Variants in FAT3 observed in about 807,000 individuals in gnomAD.
The protein encoded by FAT3 is protocadherin Fat 3.
A neutral mutation model predicts 310.2 loss-of-function variants in FAT3; 95 were observed. The ratio of observed to expected loss-of-function variants is 0.31; its 90% CI spans 0.26 to 0.36. The LOEUF (loss-of-function observed/expected upper bound fraction) is 0.36. Among genes scored for constraint, FAT3 ranks in the 10% least tolerant of loss-of-function variants. FAT3 has a pLI of 1.00. For synonymous variants in FAT3, 2,314 were observed against 2,192.9 expected (o/e 1.06, Z -1.54); for missense variants, 5,408 against 5,715.6 (o/e 0.95, Z 1.74).
chr11:92,755,703 T>G (rs867381996), intron 4 of FAT3, among the ~76,000 whole-genome samples: 5 of 152,314 alleles, frequency 3.3e-5, no homozygotes, highest in Non-Finnish European at 5.9e-5. Context: ...TTTCTGAAAA[T>G]TGAATCTATC....
At chr11:92,421,826 G>A (rs1444466614) in intron 2 of FAT3, among the ~76,000 whole-genome samples, 1 of 152,194 alleles carries the variant, frequency 6.6e-6, no homozygotes, top group Admixed American at 6.5e-5. Context: ...CTCAGCCCCA[G>A]GTAGAGGAAC....
At chr11:92,707,410 T>C (rs1944388572) in intron 4 of FAT3, among the ~76,000 whole-genome samples, 2 of 152,210 alleles carry the variant, frequency 1.3e-5, no homozygotes, top group Non-Finnish European at 1.5e-5. Context: ...CGTGGTGCTA[T>C]GTTGCTGCTT....
chr11:92,819,132 G>A (rs951473717), intron 13 of FAT3, among the ~76,000 whole-genome samples: 9 of 152,132 alleles, frequency 5.9e-5, no homozygotes, highest in Non-Finnish European at 4.4e-5. Context: ...CTTGCCCTGA[G>A]CCACAGCTAG....
chr11:92,598,822 G>A (rs1939859043), intron 3 of FAT3, among the ~76,000 whole-genome samples: 1 of 152,176 alleles, frequency 6.6e-6, no homozygotes, highest in African/African-American at 2.4e-5. Flanking sequence ...TCTCCTATGT[G>A]ATGATGACAA....
chr11:92,420,844 AACTC>A (rs1202116982), intron 2 of FAT3, among the ~76,000 whole-genome samples: 7 of 152,156 alleles, frequency 4.6e-5, no homozygotes, highest in Admixed American at 2.0e-4. Flanking sequence ...AAGAAACAGT[AACTC>A]AATTGATTTT....
intron 3 of FAT3, among the ~76,000 whole-genome samples, chr11:92,684,508 A>C (rs1411497079): frequency 6.6e-6 from 1 of 152,114 alleles, no homozygotes; most frequent in East Asian, 1.9e-4. Context: ...CAGGAGGAAA[A>C]TCTGAACAAC....
At chr11:92,350,864 A>C (rs1217364726) in intron 1 of FAT3, among the ~76,000 whole-genome samples, 1 of 152,202 alleles carries the variant, frequency 6.6e-6, no homozygotes, top group Non-Finnish European at 1.5e-5. Context: ...GTAAAGGAAG[A>C]AAAGGAGAAT....
At chr11:92,491,208 C>G (rs1952589160) in intron 2 of FAT3, among the ~76,000 whole-genome samples, 1 of 152,036 alleles carries the variant, frequency 6.6e-6, no homozygotes, top group African/African-American at 2.4e-5. Context: ...AGTACTCTAG[C>G]TTAGTGACTC....
intron 2 of FAT3, among the ~76,000 whole-genome samples, chr11:92,425,181 AG>A (rs111925453): frequency 0.1 from 15,780 of 152,018 alleles, 1,006 homozygotes; most frequent in African/African-American, 0.17. Context: ...CTGTGAATGA[AG>A]CTTTTCTGTT....
At position 92,823,277 on chromosome 11, in the gene FAT3, A is replaced by G. The variant is rs182517512; in HGVS notation, c.9482-8345A>G. On this transcript the variant is annotated intron_variant, in intron 13 of 27. Transcript: ENST00000525166. The stretch of plus-strand genomic sequence containing the variant: ...ACATTCCATGTACCAATAAACATGG[A>G]GTTTTGAGTATTTAGTTGATGAATT... Among the ~76,000 whole-genome samples the G allele has an allele frequency of 3.4e-3, 517 of 152,256 alleles. 2 individuals are homozygous for G. The highest frequency in any genetic ancestry group is 0.012 in the African/African-American group (489 of 41,556).
intron 3 of FAT3, among the ~76,000 whole-genome samples, chr11:92,553,033 G>C (rs1028771240): frequency 1.3e-5 from 2 of 151,780 alleles, no homozygotes; most frequent in African/African-American, 2.4e-5. Flanking sequence ...GAGGAAGATA[G>C]AGACAGAAAG....
chr11:92,592,834 C>T (rs780860275), intron 3 of FAT3, among the ~76,000 whole-genome samples: 8 of 152,056 alleles, frequency 5.3e-5, no homozygotes, highest in Non-Finnish European at 1.2e-4. Flanking sequence ...AAATCCATAA[C>T]ATAAAATTTA....
intron 2 of FAT3, among the ~76,000 whole-genome samples, chr11:92,397,465 C>T (rs1424167743): frequency 6.6e-6 from 1 of 152,166 alleles, no homozygotes; most frequent in African/African-American, 2.4e-5. Flanking sequence ...TTCCCAATAT[C>T]ATTAACATGC....
At chr11:92,447,766 A>C (rs558886657) in intron 2 of FAT3, among the ~76,000 whole-genome samples, 1 of 152,268 alleles carries the variant, frequency 6.6e-6, no homozygotes, top group African/African-American at 2.4e-5. Context: ...TTTTGGAAGA[A>C]GAAGTGGAAC....
chr11:92,323,931 C>T (rs1019613883), intron 1 of FAT3, among the ~76,000 whole-genome samples: 7 of 152,306 alleles, frequency 4.6e-5, no homozygotes, highest in African/African-American at 9.6e-5. Context: ...GTTGCTTCAG[C>T]GCTTGCTGCC....
At chr11:92,622,173 A>G (rs1026874159) in intron 3 of FAT3, among the ~76,000 whole-genome samples, 9 of 152,032 alleles carry the variant, frequency 5.9e-5, no homozygotes, top group African/African-American at 2.2e-4. Flanking sequence ...AATCCCAGCT[A>G]GTCGGGAGAC....
At chr11:92,568,361 G>A (rs1955549926) in intron 3 of FAT3, among the ~76,000 whole-genome samples, 1 of 150,234 alleles carries the variant, frequency 6.7e-6, no homozygotes, top group Non-Finnish European at 1.5e-5. Context: ...TGCAATATTT[G>A]TAGTATCCCG....
intron 4 of FAT3, among the ~76,000 whole-genome samples, chr11:92,708,852 A>C (rs1944438456): frequency 6.6e-6 from 1 of 152,226 alleles, no homozygotes; most frequent in South Asian, 2.1e-4. Context: ...CCATCCACTT[A>C]AATAAGCTGT....
At chr11:92,398,494 C>G (rs1328258255) in intron 2 of FAT3, among the ~76,000 whole-genome samples, 1 of 139,496 alleles carries the variant, frequency 7.2e-6, no homozygotes, top group Non-Finnish European at 1.5e-5. Context: ...GAGTGTAACT[C>G]CGTCCCAAAA....
Sources: gnomAD v4.1 joint callset for allele counts (sites outside exome capture counted in the v4.1 genomes callset) on GRCh38, gnomAD v4.1.1 for gene constraint, MANE v1.5 for transcripts, NCBI Gene and HGNC (gene_info 2026-07-23, HGNC 2026-07-21) for gene names.